The following SPAG16 variants were observed in gnomAD, a reference collection of about 807,000 sequenced individuals.
SPAG16 encodes the protein sperm-associated antigen 16 protein.
In SPAG16, 86 loss-of-function variants were observed where a neutral mutation model predicts 80.4. The ratio of observed to expected loss-of-function variants is 1.07; its 90% CI spans 0.90 to 1.28. The LOEUF (loss-of-function observed/expected upper bound fraction) is 1.28, where lower values mean the gene tolerates loss of function less well. Among genes scored for constraint, SPAG16 ranks in the 50% most tolerant of loss-of-function variants. The pLI, the probability that SPAG16 is intolerant of heterozygous loss-of-function variation, is 0.00. For synonymous variants in SPAG16, 294 were observed against 265.9 expected, an observed-to-expected ratio of 1.11 and a Z score of -1.03; for missense variants, 870 against 765.3, an observed-to-expected ratio of 1.14 and a Z score of -1.61.
At position 213,713,169 on chromosome 2, in the gene SPAG16, C is replaced by T. The variant is rs552459938; in HGVS notation, c.1071-149316C>T. 4.6e-5 allele frequency among the ~76,000 whole-genome samples: 7 copies of T among 152,254 alleles called. No homozygotes were observed. The South Asian group carries it at 8.3e-4, about 18-fold the overall frequency. ...GATCTAATCACCTCCTCTGAGGTCC[C>T]TCCCCCAACACGTAGGGATTATAAT... On this transcript the variant is annotated intron_variant, in intron 10 of 15. Transcript: ENST00000331683.
intron 10 of SPAG16, among the ~76,000 whole-genome samples, chr2:213,611,588 C>T (rs1234252955): frequency 6.6e-6 from 1 of 152,052 alleles, no homozygotes; most frequent in Non-Finnish European, 1.5e-5. Flanking sequence ...TTTATTTACT[C>T]ACAGATAGCT....
intron 10 of SPAG16, among the ~76,000 whole-genome samples, chr2:213,801,522 C>T (rs957075618): frequency 1.3e-5 from 2 of 152,226 alleles, no homozygotes; most frequent in African/African-American, 4.8e-5. Context: ...CAGGATTACA[C>T]AATGAGGCAC....
intron 9 of SPAG16, among the ~76,000 whole-genome samples, chr2:213,429,008 C>G (rs914168198): frequency 6.6e-6 from 1 of 151,434 alleles, no homozygotes; most frequent in African/African-American, 2.4e-5. Context: ...AGGAGAATTG[C>G]TTGAACCTGG....
At chr2:213,886,385 G>A (rs1035375926) in intron 11 of SPAG16, among the ~76,000 whole-genome samples, 17 of 152,012 alleles carry the variant, frequency 1.1e-4, no homozygotes, top group African/African-American at 3.9e-4. Flanking sequence ...GGTAGAATGA[G>A]CAGCTAGAGA....
In SPAG16 at chr2:213,361,376, G is replaced by GTA. The variant is rs1309306928; in HGVS notation, c.763-2699_763-2698insAT. On this transcript the variant is annotated intron_variant, in intron 7 of 15. Coordinates refer to ENST00000331683, the MANE Select transcript of SPAG16 (RefSeq NM_024532.5). ...AGAATATGTATGTATGTGTGTGTGT[G>GTA]TGTATATATATATATATGTATACTA... 2.5e-3 allele frequency among the ~76,000 whole-genome samples: 375 copies of GTA among 149,638 alleles called. 2 individuals carry two copies. Among genetic ancestry groups the GTA allele is most frequent in the African/African-American group, 8.5e-3 (347 of 41,048 alleles).
intron 10 of SPAG16, among the ~76,000 whole-genome samples, chr2:213,849,524 A>G (rs906995300): frequency 6.6e-6 from 1 of 152,244 alleles, no homozygotes; most frequent in Non-Finnish European, 1.5e-5. Flanking sequence ...GATACAAAAA[A>G]GTCATTATTT....
intron 9 of SPAG16, among the ~76,000 whole-genome samples, chr2:213,385,846 T>G (rs1421587520): frequency 1.3e-5 from 2 of 151,682 alleles, no homozygotes; most frequent in African/African-American, 4.8e-5. Context: ...CAGAATAAAT[T>G]TATTTTTCCA....
intron 15 of SPAG16, among the ~76,000 whole-genome samples, chr2:214,379,013 A>G (rs1700294373): frequency 6.6e-6 from 1 of 152,168 alleles, no homozygotes; most frequent in African/African-American, 2.4e-5. Context: ...ACCTTGGCTC[A>G]TCATACCACC....
At chr2:214,344,160 T>C (rs1478296006) in intron 15 of SPAG16, among the ~76,000 whole-genome samples, 1 of 152,160 alleles carries the variant, frequency 6.6e-6, no homozygotes, top group Non-Finnish European at 1.5e-5. Context: ...AGGAGGTATG[T>C]GTAGATGTTG....
At chr2:213,477,439 G>T (rs1291483249) in intron 9 of SPAG16, among the ~76,000 whole-genome samples, 1 of 152,218 alleles carries the variant, frequency 6.6e-6, no homozygotes, top group Non-Finnish European at 1.5e-5. Context: ...TGGGAGGGGA[G>T]TTATACCCTG....
At chr2:213,684,857 A>C (rs2064582621) in intron 10 of SPAG16, among the ~76,000 whole-genome samples, 1 of 152,236 alleles carries the variant, frequency 6.6e-6, no homozygotes, top group Admixed American at 6.5e-5. Context: ...TCACGGATTT[A>C]ACAATTTATT....
intron 15 of SPAG16, among the ~76,000 whole-genome samples, chr2:214,243,212 G>A (rs981020732): frequency 8.6e-5 from 13 of 151,984 alleles, no homozygotes; most frequent in Non-Finnish European, 1.9e-4. Flanking sequence ...AGAACCAAAA[G>A]GAACATTATT....
intron 10 of SPAG16, among the ~76,000 whole-genome samples, chr2:213,667,854 A>G (rs1251792197): frequency 6.6e-6 from 1 of 152,136 alleles, no homozygotes; most frequent in African/African-American, 2.4e-5. Context: ...TTTTTTCCAG[A>G]GGGTGGTGAG....
intron 9 of SPAG16, among the ~76,000 whole-genome samples, chr2:213,375,870 A>AT (rs2066858770): frequency 6.6e-6 from 1 of 151,542 alleles, no homozygotes; most frequent in Non-Finnish European, 1.5e-5. Context: ...TACTTAGGTA[A>AT]TGCCAATAAT....
At chr2:213,464,141 G>A (rs901468705) in intron 9 of SPAG16, among the ~76,000 whole-genome samples, 1 of 152,300 alleles carries the variant, frequency 6.6e-6, no homozygotes, top group Non-Finnish European at 1.5e-5. Context: ...AAGGTTACAT[G>A]GTTAATCAAA....
At chr2:214,373,745 T>C (rs1260763368) in intron 15 of SPAG16, among the ~76,000 whole-genome samples, 1 of 152,190 alleles carries the variant, frequency 6.6e-6, no homozygotes, top group Non-Finnish European at 1.5e-5. Flanking sequence ...CAATTTACTT[T>C]TGCTGCATAC....
At chr2:213,381,681 T>A (rs1418469806) in intron 9 of SPAG16, among the ~76,000 whole-genome samples, 5 of 152,310 alleles carry the variant, frequency 3.3e-5, no homozygotes, top group Middle Eastern at 3.4e-3. Flanking sequence ...GTGGATTTTT[T>A]AAAATAAGTA....
intron 7 of SPAG16, among the ~76,000 whole-genome samples, chr2:213,357,644 G>A (rs920666127): frequency 1.3e-5 from 2 of 152,058 alleles, no homozygotes; most frequent in African/African-American, 4.8e-5. Context: ...TTGAGCCTAT[G>A]TGTGTCTCTG....
At chr2:213,496,686 C>A (rs983473822) in intron 10 of SPAG16, among the ~76,000 whole-genome samples, 5 of 150,748 alleles carry the variant, frequency 3.3e-5, no homozygotes, top group Non-Finnish European at 7.4e-5. Flanking sequence ...AGCTTAAGTA[C>A]TTAATTATAC....
Sources: gnomAD v4.1 joint callset for allele counts (sites outside exome capture counted in the v4.1 genomes callset) on GRCh38, gnomAD v4.1.1 for gene constraint, MANE v1.5 for transcripts, NCBI Gene and HGNC (gene_info 2026-07-23, HGNC 2026-07-21) for gene names.